TENM2: variants seen among roughly 807,000 people sequenced by gnomAD.
The protein encoded by TENM2 is teneurin-2.
In TENM2, 52 loss-of-function variants were observed where a neutral mutation model predicts 245.2. The ratio of observed to expected loss-of-function variants is 0.21; its 90% CI spans 0.17 to 0.27. The LOEUF (loss-of-function observed/expected upper bound fraction) is 0.27, where lower values mean the gene tolerates loss of function less well. Among genes scored for constraint, TENM2 ranks in the 10% least tolerant of loss-of-function variants. TENM2 has a pLI of 1.00. For missense variants in TENM2, 3,046 were observed against 3,666.8 expected, an observed-to-expected ratio of 0.83 and a Z score of 4.37; for synonymous variants, 1,363 against 1,438.9, an observed-to-expected ratio of 0.95 and a Z score of 1.19.
At chr5:168,216,793 C>T (rs1053457456) in exon 22 of TENM2, 4 of 1,613,824 alleles carry the variant, frequency 2.5e-6, no homozygotes, top group African/African-American at 2.7e-5. Context: ...AGAATGGGCT[C>T]ATGTACTTTG....
the TENM2 span, among the ~76,000 whole-genome samples, chr5:167,006,429 C>T: frequency 6.6e-6 from 1 of 152,130 alleles, no homozygotes; most frequent in East Asian, 1.9e-4. Context: ...TAAAGCATGG[C>T]ATTGGCTGAA....
the TENM2 span, among the ~76,000 whole-genome samples, chr5:167,016,587 A>G: frequency 6.6e-6 from 1 of 152,246 alleles, no homozygotes; most frequent in Non-Finnish European, 1.5e-5. Context: ...TGATATCTAC[A>G]TAAAATGGAA....
At chr5:167,066,165 G>A in the TENM2 span, among the ~76,000 whole-genome samples, 1 of 152,122 alleles carries the variant, frequency 6.6e-6, no homozygotes, top group African/African-American at 2.4e-5. Flanking sequence ...GATATTGTGG[G>A]TGATAATTGA....
At chr5:167,571,231 C>T (rs73380910) in intron 2 of TENM2, among the ~76,000 whole-genome samples, 5,102 of 152,170 alleles carry the variant, frequency 0.034, 222 homozygotes, top group African/African-American at 0.098. Flanking sequence ...TTAATGACAA[C>T]CCATGAAGCA....
At chr5:168,057,442 T>C (rs1347136) in intron 6 of TENM2, among the ~76,000 whole-genome samples, 55,480 of 151,992 alleles carry the variant, frequency 0.37, 10,953 homozygotes, top group African/African-American at 0.5. Context: ...TCTTTGGGTC[T>C]GAGACACTCT....
intron 1 of TENM2, chr5:167,303,197 C>G (rs149908423): frequency 1.2e-5 from 2 of 167,530 alleles, no homozygotes; most frequent in South Asian, 1.9e-4. Flanking sequence ...ATCTTTTTCA[C>G]GGAGCAAAGA....
chr5:167,388,098 A>T lies in TENM2; in HGVS notation c.502+12625A>T, dbSNP rs569175293. 5.3e-5 allele frequency among the ~76,000 whole-genome samples: 8 copies of T among 152,132 alleles called. No homozygotes were observed. The East Asian group carries it at 1.4e-3, about 26-fold the overall frequency. The stretch of plus-strand genomic sequence containing the variant: ...GAATAGTGTCAATAGGATTGGTGCC[A>T]ATTCTTTGAATATCTGGTAGAATTC... On this transcript the variant is annotated intron_variant, in intron 2 of 28. Coordinates refer to ENST00000518659, the Ensembl canonical transcript of TENM2.
chr5:167,517,960 G>A (rs1054682704), intron 2 of TENM2, among the ~76,000 whole-genome samples: 26 of 152,174 alleles, frequency 1.7e-4, no homozygotes, highest in African/African-American at 6.3e-4. Context: ...GCGGAGGCAG[G>A]CAGATCACTT....
chr5:167,070,103 A>ATTTATTTATT, the TENM2 span, among the ~76,000 whole-genome samples: 1 of 91,002 alleles, frequency 1.1e-5, no homozygotes, highest in South Asian at 2.8e-4. Flanking sequence ...TATTCATTTG[A>ATTTATTTATT]CAAATATTTA....
intron 1 of TENM2, among the ~76,000 whole-genome samples, chr5:167,374,573 T>C (rs1484201456): frequency 6.6e-6 from 1 of 152,086 alleles, no homozygotes; most frequent in Non-Finnish European, 1.5e-5. Flanking sequence ...GTTAAGGGAA[T>C]TACCATAAAT....
intron 2 of TENM2, among the ~76,000 whole-genome samples, chr5:167,601,952 G>C (rs1342487732): frequency 6.6e-6 from 1 of 151,800 alleles, no homozygotes; most frequent in African/African-American, 2.4e-5. Flanking sequence ...AGGATGGCAG[G>C]AGGAAGAGGG....
At chr5:166,991,897 A>G in the TENM2 span, among the ~76,000 whole-genome samples, 1 of 152,130 alleles carries the variant, frequency 6.6e-6, no homozygotes, top group Admixed American at 6.6e-5. Flanking sequence ...ATGGCCTCCA[A>G]CTTATTCATA....
intron 3 of TENM2, among the ~76,000 whole-genome samples, chr5:167,906,002 A>G (rs1291935465): frequency 6.6e-6 from 1 of 152,202 alleles, no homozygotes; most frequent in Non-Finnish European, 1.5e-5. Flanking sequence ...AGCTGGCTGT[A>G]GAGCACTTTC....
chr5:167,601,090 C>T (rs768391421), intron 2 of TENM2, among the ~76,000 whole-genome samples: 1 of 152,184 alleles, frequency 6.6e-6, no homozygotes, highest in Non-Finnish European at 1.5e-5. Context: ...GTTTTCAATC[C>T]ATTTGGGCAG....
At chr5:167,470,984 G>C (rs770647022) in intron 2 of TENM2, among the ~76,000 whole-genome samples, 9 of 152,134 alleles carry the variant, frequency 5.9e-5, no homozygotes, top group Non-Finnish European at 1.3e-4. Context: ...AGATAACTGA[G>C]TGGTTTTAAA....
At chr5:167,689,652 A>G (rs1221290798) in intron 2 of TENM2, among the ~76,000 whole-genome samples, 2 of 152,248 alleles carry the variant, frequency 1.3e-5, no homozygotes, top group Non-Finnish European at 2.9e-5. Flanking sequence ...CTTGCACTGC[A>G]GAAGACTAGC....
chr5:167,846,436 GA>G (rs1458808657), intron 2 of TENM2, among the ~76,000 whole-genome samples: 2 of 152,298 alleles, frequency 1.3e-5, no homozygotes, highest in Non-Finnish European at 2.9e-5. Flanking sequence ...TCCTGAATCA[GA>G]AAAGAGAAGG....
At chr5:168,245,010 GCCCACCTCAGCCT>G (rs1766422961) in intron 26 of TENM2, among the ~76,000 whole-genome samples, 1 of 151,898 alleles carries the variant, frequency 6.6e-6, no homozygotes, top group African/African-American at 2.4e-5. Context: ...TCAGGTGATC[GCCCACCTCAGCCT>G]CCCAAAGTGC....
At chr5:167,022,665 G>A in the TENM2 span, among the ~76,000 whole-genome samples, 5 of 152,012 alleles carry the variant, frequency 3.3e-5, no homozygotes, top group Non-Finnish European at 5.9e-5. Context: ...AAAATTTGGC[G>A]ATCTGGCAAA....
Sources: allele counts gnomAD v4.1 joint callset (sites outside exome capture counted in the v4.1 genomes callset), GRCh38; gene constraint gnomAD v4.1.1; transcripts MANE v1.5; gene names NCBI Gene and HGNC (gene_info 2026-07-23, HGNC 2026-07-21).